CTNNA1: variants seen among roughly 807,000 people sequenced by gnomAD.
CTNNA1 encodes catenin alpha 1.
Under a neutral mutation model 98.4 loss-of-function variants are expected in CTNNA1, and 37 were observed. The ratio of observed to expected loss-of-function variants is 0.38; its 90% CI spans 0.29 to 0.49. The LOEUF (loss-of-function observed/expected upper bound fraction) is 0.49, where lower values mean the gene tolerates loss of function less well. Ranked by LOEUF, CTNNA1 falls within the 20% of genes least tolerant of loss-of-function variation. The pLI is 0.95. For missense variants in CTNNA1, 761 were observed against 1,147.2 expected, an observed-to-expected ratio of 0.66 and a Z score of 4.86; for synonymous variants, 404 against 413.2, an observed-to-expected ratio of 0.98 and a Z score of 0.27.
chr5:138,927,708 GATA>G (rs1299696190), intron 13 of CTNNA1, among the ~76,000 whole-genome samples: 1 of 122,546 alleles, frequency 8.2e-6, no homozygotes, highest in East Asian at 2.0e-4. Flanking sequence ...TTGGCAGAGA[GATA>G]ATGAATGAAT....
chr5:138,897,294 A>ACACCCCCCCC (rs1757039824), intron 9 of CTNNA1, among the ~76,000 whole-genome samples: 1 of 16,388 alleles, frequency 6.1e-5, no homozygotes, highest in East Asian at 1.8e-3. Context: ...CTCACACCGC[A>ACACCCCCCCC]CCCCCCCCCC....
At chr5:138,903,406 C>G (rs1758519212) in intron 9 of CTNNA1, among the ~76,000 whole-genome samples, 1 of 152,114 alleles carries the variant, frequency 6.6e-6, no homozygotes, top group African/African-American at 2.4e-5. Context: ...CTGCCTACGC[C>G]TTTATCATTC....
At chr5:138,835,814 G>A (rs1490424719) in intron 7 of CTNNA1, among the ~76,000 whole-genome samples, 1 of 152,052 alleles carries the variant, frequency 6.6e-6, no homozygotes, top group Non-Finnish European at 1.5e-5. Context: ...ACAATACAGT[G>A]CTATTGACTA....
intron 7 of CTNNA1, among the ~76,000 whole-genome samples, chr5:138,879,171 TAAAAAAAA>T (rs35271091): frequency 5.4e-4 from 43 of 80,324 alleles, no homozygotes; most frequent in African/African-American, 2.0e-3. Context: ...ACTCCGTCTT[TAAAAAAAA>T]AAAAAAAAAA....
At position 138,825,875 on chromosome 5, in the gene CTNNA1, G is replaced by A. The variant is rs558100971; in HGVS notation, c.858+1076G>A. ...TTATGGTGCATGTTAAAATTTACTAGCAATGTTGTTTTTCCCCCCTTCAAA... is the reference window on the plus strand; with the variant it reads ...TTATGGTGCATGTTAAAATTTACTAACAATGTTGTTTTTCCCCCCTTCAAA... On this transcript the variant is annotated intron_variant, in intron 6 of 17. Coordinates refer to ENST00000302763, the MANE Select transcript of CTNNA1 (RefSeq NM_001903.5). Among the ~76,000 whole-genome samples, 4 of 152,192 alleles carry A rather than the reference G, an allele frequency of 2.6e-5. No homozygotes were observed. The East Asian group carries it at 7.7e-4, about 29-fold the overall frequency.
At chr5:138,886,365 C>T in intron 8 of CTNNA1, 73 bp downstream of exon 8, 6 of 1,431,074 alleles carry the variant, frequency 4.2e-6, no homozygotes, top group Non-Finnish European at 4.7e-6. Flanking sequence ...TCCTAATAAG[C>T]ACTGGCCTTA....
At chr5:138,855,884 G>A (rs1188051088) in intron 7 of CTNNA1, among the ~76,000 whole-genome samples, 1 of 152,110 alleles carries the variant, frequency 6.6e-6, no homozygotes, top group African/African-American at 2.4e-5. Flanking sequence ...GAAAAGAAAT[G>A]TATGTTATTA....
intron 1 of CTNNA1, among the ~76,000 whole-genome samples, chr5:138,770,432 G>T (rs1753413271): frequency 6.6e-6 from 1 of 152,174 alleles, no homozygotes; most frequent in Admixed American, 6.5e-5. Flanking sequence ...TAGATATCCA[G>T]TCCATACAGC....
At chr5:138,886,392 G>A in intron 8 of CTNNA1, 100 bp downstream of exon 8, 1 of 1,254,126 alleles carries the variant, frequency 8.0e-7, no homozygotes, top group Non-Finnish European at 1.1e-6. Context: ...TTTATTGAGA[G>A]AAAGGATGGA....
chr5:138,906,903 C>T (rs1759377037), intron 10 of CTNNA1, among the ~76,000 whole-genome samples: 1 of 152,204 alleles, frequency 6.6e-6, no homozygotes, highest in Non-Finnish European at 1.5e-5. Context: ...TAGGTGTTTA[C>T]AGACATGGTC....
intron 7 of CTNNA1, among the ~76,000 whole-genome samples, chr5:138,848,335 A>G (rs1241945252): frequency 2.0e-5 from 3 of 152,262 alleles, no homozygotes; most frequent in African/African-American, 4.8e-5. Context: ...TAGTGTTACT[A>G]TTAACATTGC....
At chr5:138,843,042 A>G (rs1475865951) in intron 7 of CTNNA1, among the ~76,000 whole-genome samples, 1 of 152,230 alleles carries the variant, frequency 6.6e-6, no homozygotes, top group Non-Finnish European at 1.5e-5. Context: ...TATATTTTGG[A>G]TTTAAGGTAT....
intron 7 of CTNNA1, among the ~76,000 whole-genome samples, chr5:138,878,592 C>G (rs947618353): frequency 5.3e-5 from 8 of 152,178 alleles, no homozygotes; most frequent in African/African-American, 1.9e-4. Flanking sequence ...TTAACTGAGT[C>G]AAGTGGCAGG....
intron 3 of CTNNA1, among the ~76,000 whole-genome samples, chr5:138,789,194 C>A (rs888675466): frequency 3.3e-5 from 5 of 151,954 alleles, no homozygotes; most frequent in African/African-American, 4.8e-5. Context: ...TTTTTCCCCC[C>A]CCCCAGAGCT....
intron 7 of CTNNA1, among the ~76,000 whole-genome samples, chr5:138,848,910 G>A (rs1393267080): frequency 1.3e-5 from 2 of 152,138 alleles, no homozygotes; most frequent in South Asian, 2.1e-4. Flanking sequence ...TTTTAGTAGA[G>A]ACAAGGTTTC....
intron 9 of CTNNA1, among the ~76,000 whole-genome samples, chr5:138,893,621 A>T (rs1332938148): frequency 2.0e-5 from 3 of 149,550 alleles, no homozygotes; most frequent in East Asian, 2.0e-4. Context: ...ATTATTTTTT[A>T]AAATTTATTT....
intron 7 of CTNNA1, chr5:138,875,834 T>A: frequency 1.5e-6 from 1 of 645,726 alleles, no homozygotes; most frequent in Non-Finnish European, 1.9e-6. Flanking sequence ...GCTTTAGATG[T>A]GTTGATAAAC....
chr5:138,929,217 C>A, intron 13 of CTNNA1, 29 bp from the exon 14 acceptor site: 1 of 1,256,732 alleles, frequency 8.0e-7, no homozygotes, highest in South Asian at 1.2e-5. Context: ...AGAGATGTGT[C>A]TGACCTGTGA....
chr5:138,764,206 CAAAA>C (rs1561498126), intron 1 of CTNNA1, among the ~76,000 whole-genome samples: 1 of 149,842 alleles, frequency 6.7e-6, no homozygotes, highest in Non-Finnish European at 1.5e-5. Context: ...AAACAAAAAA[CAAAA>C]AAATAATTAG....
Sources: allele counts gnomAD v4.1 joint callset (sites outside exome capture counted in the v4.1 genomes callset), GRCh38; gene constraint gnomAD v4.1.1; transcripts MANE v1.5; gene names NCBI Gene and HGNC (gene_info 2026-07-23, HGNC 2026-07-21).